Variants in FRMD4A observed in about 807,000 individuals in gnomAD.
The protein encoded by FRMD4A is FERM domain containing 4A, also known as FERM domain-containing protein 4A.
Under a neutral mutation model 129.1 loss-of-function variants are expected in FRMD4A, and 29 were observed. The observed-to-expected ratio is 0.22, with a 90% CI of 0.17 to 0.31. The LOEUF is 0.31. Among genes scored for constraint, FRMD4A ranks in the 10% least tolerant of loss-of-function variants. The pLI is 1.00. For synonymous variants in FRMD4A, 634 were observed against 571.6 expected (o/e 1.11, Z -1.56); for missense variants, 1,272 against 1,375.8 (o/e 0.92, Z 1.19).
intron 2 of FRMD4A, among the ~76,000 whole-genome samples, chr10:14,305,292 G>T (rs140655443): frequency 6.6e-6 from 1 of 152,308 alleles, no homozygotes; most frequent in African/African-American, 2.4e-5. Flanking sequence ...AAGGGAGATT[G>T]CTGTGTCCCA....
chr10:13,705,938 A>G, intron 13 of FRMD4A, among the ~76,000 whole-genome samples: 1 of 152,294 alleles, frequency 6.6e-6, no homozygotes, highest in East Asian at 1.9e-4. Context: ...GCACGGCTTC[A>G]TTCCTACCGG....
chr10:14,066,614 C>G (rs1835072266), intron 2 of FRMD4A, among the ~76,000 whole-genome samples: 3 of 152,084 alleles, frequency 2.0e-5, no homozygotes, highest in African/African-American at 4.8e-5. Flanking sequence ...AGAATTCAGA[C>G]CTGGAGCCTA....
At chr10:13,708,680 G>T (rs1441987587) in intron 12 of FRMD4A, among the ~76,000 whole-genome samples, 1 of 152,252 alleles carries the variant, frequency 6.6e-6, no homozygotes, top group Non-Finnish European at 1.5e-5. Context: ...AGATTCAACA[G>T]CGCCTTAGCG....
At chr10:13,867,219 T>G (rs2094378406) in intron 2 of FRMD4A, among the ~76,000 whole-genome samples, 1 of 152,170 alleles carries the variant, frequency 6.6e-6, no homozygotes, top group Admixed American at 6.6e-5. Flanking sequence ...AGCGTTATGA[T>G]GTAAACTTCA....
intron 2 of FRMD4A, among the ~76,000 whole-genome samples, chr10:14,057,940 T>C (rs1443088337): frequency 2.0e-5 from 3 of 152,212 alleles, no homozygotes; most frequent in African/African-American, 7.2e-5. Context: ...TCTGCGTCAG[T>C]GGACAAGATT....
In FRMD4A at chr10:14,187,469, C is replaced by T. The variant is rs148834356; in HGVS notation, c.45+142589G>A. ...GTAAATAAAGGAACAGAGCCATTAT[C>T]GTGGAATGACTGACTTAGAGAACGC... On this transcript the variant is annotated intron_variant, in intron 2 of 24. Transcript: ENST00000357447. 2.6e-3 allele frequency among the ~76,000 whole-genome samples: 400 copies of T among 152,262 alleles called. 3 individuals carry two copies. Among genetic ancestry groups the T allele is most frequent in the African/African-American group, 9.4e-3 (389 of 41,544 alleles).
chr10:13,845,294 G>A (rs1327147368), intron 3 of FRMD4A, among the ~76,000 whole-genome samples: 1 of 152,280 alleles, frequency 6.6e-6, no homozygotes, highest in East Asian at 1.9e-4. Flanking sequence ...GGAGGGATGA[G>A]CAGTAATCAC....
rs35812447 is a variant in FRMD4A, at chr10:13,964,674, GTTT to G, written c.46-105765_46-105763del. Among the ~76,000 whole-genome samples the G allele has an allele frequency of 1.4e-3, 183 of 128,276 alleles. 1 individual carries two copies. The Middle Eastern group carries it at 0.021, about 14-fold the overall frequency. The allele number at this position is 128,276 out of a possible 152,430, so 84.2% of individuals were successfully genotyped here. On this transcript the variant is annotated intron_variant, in intron 2 of 24. Coordinates refer to ENST00000357447, the MANE Select transcript of FRMD4A (RefSeq NM_018027.5). The stretch of plus-strand genomic sequence containing the variant: ...AGTTACAACTAATGCCTCTTCTTTT[GTTT>G]TTTTTTTTTTTTTGAGACAGAGTTT...
chr10:14,211,055 T>C (rs547099528), intron 2 of FRMD4A, among the ~76,000 whole-genome samples: 3 of 152,296 alleles, frequency 2.0e-5, no homozygotes, highest in South Asian at 4.1e-4. Flanking sequence ...AAGTTTTATC[T>C]TATGGGGGAA....
chr10:13,701,633 A>G (rs111396866), intron 13 of FRMD4A, among the ~76,000 whole-genome samples, 155 bp from the exon 14 acceptor site: 1 of 152,324 alleles, frequency 6.6e-6, no homozygotes, highest in African/African-American at 2.4e-5. Context: ...ACACACACAC[A>G]CATGCGCACA....
chr10:13,818,629 A>G (rs1214935654), intron 3 of FRMD4A, among the ~76,000 whole-genome samples: 1 of 152,180 alleles, frequency 6.6e-6, no homozygotes, highest in Non-Finnish European at 1.5e-5. Flanking sequence ...TCTTTCTTAT[A>G]TAATTTCAGG....
chr10:14,315,637 C>T (rs978010822), intron 2 of FRMD4A, among the ~76,000 whole-genome samples: 1 of 152,180 alleles, frequency 6.6e-6, no homozygotes, highest in Non-Finnish European at 1.5e-5. Context: ...GATCAAGCTC[C>T]TCAGCAGAGT....
chr10:13,875,897 T>A (rs889888943), intron 2 of FRMD4A, among the ~76,000 whole-genome samples: 1 of 152,132 alleles, frequency 6.6e-6, no homozygotes, highest in Admixed American at 6.5e-5. Flanking sequence ...CTTACCCAAA[T>A]GGGGGTTCGG....
At chr10:13,996,968 C>T (rs543288921) in intron 2 of FRMD4A, among the ~76,000 whole-genome samples, 44 of 149,646 alleles carry the variant, frequency 2.9e-4, no homozygotes, top group Non-Finnish European at 4.9e-4. Context: ...TTACATCAAG[C>T]CATTGAAAAA....
intron 2 of FRMD4A, among the ~76,000 whole-genome samples, chr10:13,948,720 C>T (rs1291342664): frequency 1.4e-5 from 2 of 147,788 alleles, no homozygotes; most frequent in African/African-American, 5.0e-5. Context: ...GGCACAGTCT[C>T]GGCTCACTGC....
rs529858795 is a variant in FRMD4A, at chr10:13,819,787, T to A, written c.112-8879A>T. On this transcript the variant is annotated intron_variant, in intron 3 of 24. Coordinates refer to ENST00000357447, the MANE Select transcript of FRMD4A (RefSeq NM_018027.5). The stretch of plus-strand genomic sequence containing the variant: ...CTCAGGCTGGAGTGCAGTGGCATGA[T>A]CTCAGCTCACTGCAACCTCCACCTC... 2.0e-5 allele frequency among the ~76,000 whole-genome samples: 3 copies of A among 151,130 alleles called. No individual in the cohort carries two copies. The South Asian group carries it at 6.3e-4, about 32-fold the overall frequency.
At chr10:14,190,665 C>T (rs963699339) in intron 2 of FRMD4A, among the ~76,000 whole-genome samples, 8 of 152,200 alleles carry the variant, frequency 5.3e-5, no homozygotes, top group African/African-American at 9.7e-5. Flanking sequence ...GGATTACCGG[C>T]GTGAGCCCCG....
chr10:13,698,810 T>C (rs1437365592), intron 14 of FRMD4A, among the ~76,000 whole-genome samples: 1 of 152,184 alleles, frequency 6.6e-6, no homozygotes, highest in African/African-American at 2.4e-5. Flanking sequence ...AGGGTTGTGA[T>C]CCTCACCTGT....
chr10:14,270,185 T>C (rs1416861969), intron 2 of FRMD4A, among the ~76,000 whole-genome samples: 1 of 152,212 alleles, frequency 6.6e-6, no homozygotes, highest in Non-Finnish European at 1.5e-5. Flanking sequence ...GACTGAGTTA[T>C]GTTATGGGTT....
Sources: gnomAD v4.1 joint callset for allele counts (sites outside exome capture counted in the v4.1 genomes callset) on GRCh38, gnomAD v4.1.1 for gene constraint, MANE v1.5 for transcripts, NCBI Gene and HGNC (gene_info 2026-07-23, HGNC 2026-07-21) for gene names.